The following TRPM3 variants were observed in gnomAD, a reference collection of about 807,000 sequenced individuals.
TRPM3 encodes the protein transient receptor potential cation channel subfamily M member 3, also known as long transient receptor potential channel 3.
TRPM3 carries 77 observed loss-of-function variants against 181.2 expected under a neutral mutation model. The observed-to-expected ratio is 0.42, with a 90% CI of 0.35 to 0.51. The LOEUF (loss-of-function observed/expected upper bound fraction) is 0.51, where lower values mean the gene tolerates loss of function less well. TRPM3 is among the 20% of genes least tolerant of loss of function. TRPM3 has a pLI of 0.01. For missense variants in TRPM3, 1,759 were observed against 2,196.7 expected (o/e 0.80, Z 3.98); for synonymous variants, 745 against 796.4 (o/e 0.94, Z 1.09).
chr9:71,371,497 G>T (rs752613423), intron 1 of TRPM3, among the ~76,000 whole-genome samples: 1 of 152,218 alleles, frequency 6.6e-6, no homozygotes. Context: ...AACAGCAAGA[G>T]AACTAGAATG....
At chr9:71,174,326 G>T (rs1391103053) in intron 1 of TRPM3, among the ~76,000 whole-genome samples, 2 of 152,170 alleles carry the variant, frequency 1.3e-5, no homozygotes, top group African/African-American at 4.8e-5. Flanking sequence ...TGGATCACCT[G>T]AGATCAGGAG....
intron 1 of TRPM3, among the ~76,000 whole-genome samples, chr9:70,870,341 T>C (rs907975382): frequency 6.6e-6 from 1 of 152,032 alleles, no homozygotes; most frequent in African/African-American, 2.4e-5. Context: ...ATAAACTACC[T>C]AGTGACTTTC....
intron 1 of TRPM3, among the ~76,000 whole-genome samples, chr9:70,940,380 A>C (rs536066672): frequency 8.5e-5 from 13 of 152,180 alleles, no homozygotes; most frequent in Admixed American, 2.0e-4. Context: ...GTGTGTTAGG[A>C]CTTCATTAGA....
intron 1 of TRPM3, among the ~76,000 whole-genome samples, chr9:71,178,943 T>C (rs1198526263): frequency 1.3e-5 from 2 of 152,172 alleles, no homozygotes; most frequent in Non-Finnish European, 2.9e-5. Flanking sequence ...CCATAGAACT[T>C]AGATGCTACA....
At position 71,246,602 on chromosome 9, in the gene TRPM3, T is replaced by G. The variant is rs923971659; in HGVS notation, c.183+200051A>C. Among the ~76,000 whole-genome samples the G allele has an allele frequency of 4.6e-5, 7 of 152,224 alleles. No individual in the cohort carries two copies. The East Asian group carries it at 7.7e-4, about 17-fold the overall frequency. On this transcript the variant is annotated intron_variant, in intron 1 of 24. Transcript: ENST00000357533. ...GTACCCAGAATTGAATTGGCCCTGT[T>G]TAATAGCCCTTTATACAAATAACTC...
intron 9 of TRPM3, among the ~76,000 whole-genome samples, chr9:70,658,050 T>A (rs1462700201): frequency 2.0e-5 from 3 of 152,186 alleles, no homozygotes; most frequent in African/African-American, 7.2e-5. Context: ...GACTCCCTAA[T>A]AAAGGTTATA....
chr9:70,629,286 A>C, intron 12 of TRPM3, among the ~76,000 whole-genome samples: 1 of 139,438 alleles, frequency 7.2e-6, no homozygotes, highest in East Asian at 2.3e-4. Context: ...GCCAATGAGA[A>C]TTCCTCCCTT....
At chr9:70,816,395 A>T (rs1049334406) in intron 6 of TRPM3, among the ~76,000 whole-genome samples, 2 of 152,234 alleles carry the variant, frequency 1.3e-5, no homozygotes, top group African/African-American at 2.4e-5. Flanking sequence ...TCACAAACCC[A>T]TCTGCTCATC....
chr9:71,435,125 T>A (rs1294766548), intron 1 of TRPM3, among the ~76,000 whole-genome samples: 2 of 152,232 alleles, frequency 1.3e-5, no homozygotes, highest in African/African-American at 4.8e-5. Flanking sequence ...TTACACTATC[T>A]GTTCATGAGT....
intron 1 of TRPM3, among the ~76,000 whole-genome samples, chr9:71,331,463 A>T (rs973700495): frequency 6.6e-6 from 1 of 151,836 alleles, no homozygotes; most frequent in African/African-American, 2.4e-5. Flanking sequence ...CTCATTTCTC[A>T]TCTACATTTT....
chr9:70,701,267 G>T (rs188199020), intron 8 of TRPM3, among the ~76,000 whole-genome samples: 1 of 152,306 alleles, frequency 6.6e-6, no homozygotes, highest in Non-Finnish European at 1.5e-5. Flanking sequence ...TGTTCTCATT[G>T]ACTGTCAGGG....
chr9:71,333,176 A>G (rs1056966760), intron 1 of TRPM3, among the ~76,000 whole-genome samples: 8 of 151,916 alleles, frequency 5.3e-5, no homozygotes, highest in African/African-American at 1.9e-4. Flanking sequence ...CCAGCAGGGA[A>G]CATGAATCCG....
chr9:71,257,257 TTAGA>T (rs781503931), intron 1 of TRPM3, among the ~76,000 whole-genome samples: 27 of 152,230 alleles, frequency 1.8e-4, no homozygotes, highest in Non-Finnish European at 3.7e-4. Context: ...GGATGGGCTC[TTAGA>T]TAAAGGATAG....
chr9:70,694,702 A>G (rs1428929506), intron 8 of TRPM3, among the ~76,000 whole-genome samples: 3 of 152,108 alleles, frequency 2.0e-5, no homozygotes, highest in Non-Finnish European at 4.4e-5. Context: ...GGATGGTCTC[A>G]ATCTCCTGAC....
intron 8 of TRPM3, among the ~76,000 whole-genome samples, chr9:70,744,421 C>G (rs1023496868): frequency 4.6e-5 from 7 of 152,020 alleles, no homozygotes; most frequent in African/African-American, 1.7e-4. Flanking sequence ...CAATCTGTTT[C>G]ATTGTTCTGA....
intron 1 of TRPM3, among the ~76,000 whole-genome samples, chr9:70,916,642 A>G (rs932877125): frequency 1.3e-5 from 2 of 152,168 alleles, no homozygotes; most frequent in Non-Finnish European, 2.9e-5. Flanking sequence ...GAATAAATAT[A>G]CTATATTATT....
chr9:71,173,248 T>C (rs960265920), intron 1 of TRPM3, among the ~76,000 whole-genome samples: 1 of 152,140 alleles, frequency 6.6e-6, no homozygotes, highest in African/African-American at 2.4e-5. Flanking sequence ...ATATCACCAA[T>C]TGCTTTACAT....
At chr9:71,335,374 G>T (rs975195546) in intron 1 of TRPM3, among the ~76,000 whole-genome samples, 31 of 151,922 alleles carry the variant, frequency 2.0e-4, no homozygotes, top group African/African-American at 6.8e-4. Flanking sequence ...CCAATATTAA[G>T]GAAATAGTGC....
At chr9:70,595,373 C>T (rs1005171347) in intron 21 of TRPM3, among the ~76,000 whole-genome samples, 5 of 152,260 alleles carry the variant, frequency 3.3e-5, no homozygotes, top group Admixed American at 2.0e-4. Flanking sequence ...CTGAGGGACA[C>T]GTGGAGATGT....
Sources: gnomAD v4.1 joint callset for allele counts (sites outside exome capture counted in the v4.1 genomes callset) on GRCh38, gnomAD v4.1.1 for gene constraint, MANE v1.5 for transcripts, NCBI Gene and HGNC (gene_info 2026-07-23, HGNC 2026-07-21) for gene names.